Variants in TSNARE1 observed in about 807,000 individuals in gnomAD.
TSNARE1 encodes t-SNARE domain containing 1.
In TSNARE1, 49 loss-of-function variants were observed where a neutral mutation model predicts 62.0. That is an observed-to-expected ratio of 0.79 (90% CI 0.63 to 1.00). TSNARE1 has a LOEUF of 1.00. Ranked by LOEUF, TSNARE1 falls within the 50% of genes least tolerant of loss-of-function variation. The probability of loss-of-function intolerance (pLI) is 0.00; values close to 1 mark genes in which losing one functional copy is unlikely to be tolerated. For synonymous variants in TSNARE1, 328 were observed against 294.4 expected (o/e 1.11, Z -1.17); for missense variants, 755 against 700.1 (o/e 1.08, Z -0.88).
intron 13 of TSNARE1, among the ~76,000 whole-genome samples, chr8:142,217,303 A>AAAG (rs1815895397): frequency 6.3e-5 from 8 of 126,646 alleles, no homozygotes; most frequent in African/African-American, 2.6e-4. Flanking sequence ...GAAAGAAAGA[A>AAAG]AAAGAAAGAA....
intron 12 of TSNARE1, among the ~76,000 whole-genome samples, chr8:142,250,387 G>A (rs1200659962): frequency 1.3e-5 from 2 of 152,096 alleles, no homozygotes; most frequent in African/African-American, 4.8e-5. Flanking sequence ...TGGGTGCCAA[G>A]GCATAATCCC....
chr8:142,401,577 T>A (rs571791463), intron 1 of TSNARE1, among the ~76,000 whole-genome samples: 2 of 152,172 alleles, frequency 1.3e-5, no homozygotes, highest in African/African-American at 4.8e-5. Flanking sequence ...AGTGCCTAGG[T>A]CTAGGCTCTT....
chr8:142,389,326 G>A (rs866915642), intron 1 of TSNARE1, among the ~76,000 whole-genome samples: 16 of 152,266 alleles, frequency 1.1e-4, no homozygotes, highest in Middle Eastern at 3.4e-3. Context: ...GCTCCACAAC[G>A]TCAGTCTGGG....
intron 1 of TSNARE1, chr8:142,365,820 T>C (rs932368214): frequency 2.9e-5 from 10 of 348,070 alleles, no homozygotes; most frequent in South Asian, 6.1e-5. Flanking sequence ...TTTTTAATCA[T>C]AGGAATAAAT....
intron 2 of TSNARE1, among the ~76,000 whole-genome samples, chr8:142,347,447 C>T (rs1833522224): frequency 6.6e-6 from 1 of 152,204 alleles, no homozygotes; most frequent in African/African-American, 2.4e-5. Flanking sequence ...GTCCCTCCAG[C>T]TCCCGGCAGG....
intron 12 of TSNARE1, among the ~76,000 whole-genome samples, chr8:142,254,112 C>G (rs1346137743): frequency 6.6e-6 from 1 of 152,260 alleles, no homozygotes; most frequent in Non-Finnish European, 1.5e-5. Flanking sequence ...AGGCACCAGA[C>G]AGCCGTGGGC....
chr8:142,257,711 C>G (rs1036806186), intron 12 of TSNARE1, among the ~76,000 whole-genome samples: 17 of 152,080 alleles, frequency 1.1e-4, no homozygotes, highest in Non-Finnish European at 1.5e-5. Flanking sequence ...CCGCGATGAC[C>G]CAGGGGTGGG....
chr8:142,226,899 G>C (rs1185127364), intron 13 of TSNARE1, among the ~76,000 whole-genome samples: 2 of 151,778 alleles, frequency 1.3e-5, no homozygotes, highest in Non-Finnish European at 2.9e-5. Flanking sequence ...TCTGGAAAAT[G>C]GACACAATAA....
intron 13 of TSNARE1, among the ~76,000 whole-genome samples, chr8:142,220,093 A>G (rs1816138336): frequency 1.3e-5 from 2 of 152,218 alleles, no homozygotes; most frequent in South Asian, 4.1e-4. Flanking sequence ...CGCAAAGCAG[A>G]GTGCCTGCAG....
At chr8:142,346,270 C>T (rs1330635367) in intron 2 of TSNARE1, among the ~76,000 whole-genome samples, 1 of 152,182 alleles carries the variant, frequency 6.6e-6, no homozygotes, top group African/African-American at 2.4e-5. Flanking sequence ...GAAACTGCTG[C>T]GACCTCCACG....
At chr8:142,378,209 G>A (rs532629961) in intron 1 of TSNARE1, among the ~76,000 whole-genome samples, 24 of 152,234 alleles carry the variant, frequency 1.6e-4, no homozygotes, top group African/African-American at 5.3e-4. Flanking sequence ...CGGGAACACC[G>A]CTCAGCATCA....
At chr8:142,389,127 T>TGAG (rs1837308471) in intron 1 of TSNARE1, among the ~76,000 whole-genome samples, 1 of 152,118 alleles carries the variant, frequency 6.6e-6, no homozygotes, top group Admixed American at 6.5e-5. Context: ...TTTTAGACAA[T>TGAG]GGTTCCAAGA....
At chr8:142,273,330 C>T (rs754828195) in intron 12 of TSNARE1, 119 of 985,310 alleles carry the variant, frequency 1.2e-4, no homozygotes, top group Non-Finnish European at 1.4e-4. Flanking sequence ...AGGCCTTCTG[C>T]GTGGTGTGGC....
chr8:142,313,633 GTC>G, intron 9 of TSNARE1, among the ~76,000 whole-genome samples: 1 of 151,932 alleles, frequency 6.6e-6, no homozygotes, highest in East Asian at 1.9e-4. Flanking sequence ...GTATCTGTGT[GTC>G]TCTAGCTCTG....
intron 1 of TSNARE1, among the ~76,000 whole-genome samples, chr8:142,379,891 T>A (rs1836608603): frequency 6.6e-6 from 1 of 152,044 alleles, no homozygotes. Context: ...CCAAGCAGGG[T>A]TCTGTGGTCC....
At position 142,294,489 on chromosome 8, in the gene TSNARE1, C is replaced by T. The variant is rs142806043; in HGVS notation, c.1290+5997G>A. 7.5e-3 allele frequency among the ~76,000 whole-genome samples: 1,149 copies of T among 152,336 alleles called. 13 individuals carry two copies. Among genetic ancestry groups the T allele is most frequent in the African/African-American group, 0.026 (1,087 of 41,576 alleles). On this transcript the variant is annotated intron_variant, in intron 10 of 13. Coordinates refer to ENST00000524325, the MANE Select transcript of TSNARE1 (RefSeq NM_145003.5). The stretch of plus-strand genomic sequence containing the variant: ...AGAGAGTGACCTGGGAGGCACCGGG[C>T]ATGGTTCTGGCCTGGGCTCCTGGCG...
At chr8:142,311,655 T>C (rs568713954) in intron 9 of TSNARE1, among the ~76,000 whole-genome samples, 2 of 152,292 alleles carry the variant, frequency 1.3e-5, no homozygotes, top group East Asian at 3.9e-4. Flanking sequence ...ATCTGTGACT[T>C]GAAGTATTTG....
At chr8:142,371,642 C>T (rs918158374) in intron 1 of TSNARE1, among the ~76,000 whole-genome samples, 4 of 152,090 alleles carry the variant, frequency 2.6e-5, no homozygotes, top group Non-Finnish European at 5.9e-5. Flanking sequence ...AACTTGCAGG[C>T]GTTGGAAACA....
At chr8:142,259,301 T>C (rs555004864) in intron 12 of TSNARE1, among the ~76,000 whole-genome samples, 5 of 152,292 alleles carry the variant, frequency 3.3e-5, no homozygotes, top group Admixed American at 2.6e-4. Flanking sequence ...GGGTTATTTT[T>C]CTGTTCAGCA....
Sources: allele counts gnomAD v4.1 joint callset (sites outside exome capture counted in the v4.1 genomes callset), GRCh38; gene constraint gnomAD v4.1.1; transcripts MANE v1.5; gene names NCBI Gene and HGNC (gene_info 2026-07-23, HGNC 2026-07-21).